TOP1: variants seen among roughly 807,000 people sequenced by gnomAD.
The protein encoded by TOP1 is DNA topoisomerase I, also known as DNA topoisomerase 1.
A neutral mutation model predicts 111.1 loss-of-function variants in TOP1; 10 were observed. That is an observed-to-expected ratio of 0.09 (90% CI 0.06 to 0.15). TOP1 has a LOEUF of 0.15. TOP1 is among the 10% of genes least tolerant of loss of function. The pLI is 1.00. For missense variants in TOP1, 474 were observed against 926.7 expected (o/e 0.51, Z 6.34); for synonymous variants, 271 against 302.9 (o/e 0.89, Z 1.10).
At chr20:41,096,035 A>G (rs2033976720) in intron 9 of TOP1, among the ~76,000 whole-genome samples, 1 of 152,206 alleles carries the variant, frequency 6.6e-6, no homozygotes, top group African/African-American at 2.4e-5. Flanking sequence ...ACCAGTTAGC[A>G]GCTTTCATTG....
chr20:41,029,148 C>T lies in TOP1; in HGVS notation c.33+48C>T, dbSNP rs2033081208. ...CGGCCCCGGACCCCGGCCTGGCCGT[C>T]CCGCGACCCCCGGCGCAGGCCCCGA... is the stretch of plus-strand genomic sequence containing the variant. On this transcript the variant is annotated intron_variant, in intron 1 of 20. Transcript: ENST00000361337. This position sits in a 1 kb window ranked among gnomAD's most constrained non-coding sequence, Gnocchi z 6.1. 1 of 1,386,842 alleles carries T rather than the reference C, an allele frequency of 7.2e-7. No individual in the cohort carries two copies. Among genetic ancestry groups the T allele is most frequent in the South Asian group, 1.5e-5 (1 of 67,340 alleles). 85.9% of individuals were successfully genotyped at this position (1,386,842 alleles called of 1,614,324 possible).
At chr20:41,063,429 G>T (rs537144784) in intron 3 of TOP1, among the ~76,000 whole-genome samples, 9 of 152,318 alleles carry the variant, frequency 5.9e-5, no homozygotes, top group African/African-American at 1.9e-4. Context: ...TTAGTAAAAT[G>T]ATTTGTTTTC....
In TOP1 at chr20:41,028,988, C is replaced by A; in HGVS notation, c.-80C>A. 1 of 1,292,304 alleles carries A rather than the reference C, an allele frequency of 7.7e-7. No individual in the cohort carries two copies. Among genetic ancestry groups the A allele is most frequent in the South Asian group, 1.3e-5 (1 of 78,546 alleles). 80.1% of individuals were successfully genotyped at this position (1,292,304 alleles called of 1,614,324 possible). On this transcript the variant is annotated 5_prime_UTR_variant, in exon 1 of 21. Transcript: ENST00000361337. ...CTCCTCGAGCCTCCGGAGTCCCCGT[C>A]CGCCCGCACAGGCCGGTTCGCCGTC... is the stretch of plus-strand genomic sequence containing the variant.
chr20:41,043,850 G>T (rs1347304785), intron 2 of TOP1, among the ~76,000 whole-genome samples: 1 of 152,234 alleles, frequency 6.6e-6, no homozygotes, highest in Non-Finnish European at 1.5e-5. Flanking sequence ...AATTGAGCTG[G>T]CCTGAGAAGA....
chr20:41,107,792 T>C (rs1482398250), intron 13 of TOP1, among the ~76,000 whole-genome samples: 2 of 152,236 alleles, frequency 1.3e-5, no homozygotes, highest in South Asian at 2.1e-4. Context: ...TTTTTGCTTA[T>C]GTACTGTTCT....
At chr20:41,052,099 CAG>C (rs1409073380) in intron 2 of TOP1, among the ~76,000 whole-genome samples, 1 of 152,070 alleles carries the variant, frequency 6.6e-6, no homozygotes, top group Non-Finnish European at 1.5e-5. Flanking sequence ...ACATGATGGA[CAG>C]AGATTTGAAG....
chr20:41,067,764 C>G lies in TOP1; in HGVS notation c.155+6274C>G, dbSNP rs1379370344. Among the ~76,000 whole-genome samples the G allele has an allele frequency of 6.6e-6, 1 of 152,214 alleles. No homozygotes were observed. The highest frequency in any genetic ancestry group is 1.9e-4 in the East Asian group (1 of 5,196). On this transcript the variant is annotated intron_variant, in intron 3 of 20. Transcript: ENST00000361337. The surrounding 1 kb of genome is among the most constrained non-coding windows in gnomAD (Gnocchi z 4.0). Reference sequence around the variant, plus strand: ...CCCAAGCCCAGGAGGCATTTACTGTCCTGTGCAGTAGCAATACTGCAGACT... The same window carrying G: ...CCCAAGCCCAGGAGGCATTTACTGTGCTGTGCAGTAGCAATACTGCAGACT...
intron 11 of TOP1, among the ~76,000 whole-genome samples, chr20:41,099,315 G>A (rs2034026419): frequency 6.6e-6 from 1 of 151,938 alleles, no homozygotes; most frequent in Non-Finnish European, 1.5e-5. Flanking sequence ...TTTACTTCAG[G>A]GGCATTTTGA....
chr20:41,097,562 G>A lies in TOP1; in HGVS notation c.852+221G>A, dbSNP rs1170625187. On this transcript the variant is annotated intron_variant, in intron 10 of 20. Transcript: ENST00000361337. The surrounding 1 kb of genome is among the most constrained non-coding windows in gnomAD (Gnocchi z 4.2). ...CTTTGCTATTGGCTCTCATGTGATGGCAGGTAGGTGGGGGTTATCAGATTA... is the reference window on the plus strand; with the variant it reads ...CTTTGCTATTGGCTCTCATGTGATGACAGGTAGGTGGGGGTTATCAGATTA... Among the ~76,000 whole-genome samples, 1 of 152,138 alleles carries A rather than the reference G, an allele frequency of 6.6e-6. No individual in the cohort carries two copies. The highest frequency in any genetic ancestry group is 1.5e-5 in the Non-Finnish European group (1 of 68,020).
At chr20:41,041,349 C>T (rs1029685963) in intron 2 of TOP1, among the ~76,000 whole-genome samples, 3 of 147,270 alleles carry the variant, frequency 2.0e-5, no homozygotes, top group Non-Finnish European at 4.4e-5. Context: ...ACTTGGGAGG[C>T]TGAGGAAGGA....
rs889891950 is a variant in TOP1 at position 41,102,349 on chromosome 20, C to G, written c.1308+996C>G. 1.3e-5 allele frequency among the ~76,000 whole-genome samples: 2 copies of G among 152,180 alleles called. No homozygotes were observed. The highest frequency in any genetic ancestry group is 4.8e-5 in the African/African-American group (2 of 41,422). On this transcript the variant is annotated intron_variant, in intron 13 of 20. Coordinates refer to ENST00000361337, the MANE Select transcript of TOP1 (RefSeq NM_003286.4). The surrounding 1 kb of genome is among the most constrained non-coding windows in gnomAD (Gnocchi z 4.0). ...TTCTGGCTGGGTGTGGTGGCTCAAG[C>G]CTGTAATCCCAGCACTTTGGGAGGC...
chr20:41,042,207 G>A (rs1329553344), intron 2 of TOP1, among the ~76,000 whole-genome samples: 1 of 152,130 alleles, frequency 6.6e-6, no homozygotes, highest in Non-Finnish European at 1.5e-5. Context: ...ACCGTGCCCA[G>A]CCAAGATTAC....
At chr20:41,056,436 T>C (rs1434010132) in intron 2 of TOP1, among the ~76,000 whole-genome samples, 1 of 152,208 alleles carries the variant, frequency 6.6e-6, no homozygotes, top group Non-Finnish European at 1.5e-5. Flanking sequence ...GAAGTTGCCA[T>C]GTAATACACT....
chr20:41,040,316 G>A (rs16989512), intron 2 of TOP1, among the ~76,000 whole-genome samples: 1 of 152,134 alleles, frequency 6.6e-6, no homozygotes, highest in Non-Finnish European at 1.5e-5. Flanking sequence ...TAGACTTACT[G>A]TGCCTTAATC....
rs1342784268 is a variant in TOP1, at chr20:41,080,744, A to G, written c.432-421A>G. Among the ~76,000 whole-genome samples the G allele has an allele frequency of 2.0e-5, 3 of 152,216 alleles. No homozygotes were observed. Among genetic ancestry groups the G allele is most frequent in the African/African-American group, 7.2e-5 (3 of 41,466 alleles). On this transcript the variant is annotated intron_variant, in intron 6 of 20. Coordinates refer to ENST00000361337, the MANE Select transcript of TOP1 (RefSeq NM_003286.4). The surrounding 1 kb of genome is among the most constrained non-coding windows in gnomAD (Gnocchi z 5.0). The stretch of plus-strand genomic sequence containing the variant: ...GGAAATACTTAGTGAACTCATTTGT[A>G]TTCATTCAATATAGAATTTCTTTCC...
intron 8 of TOP1, among the ~76,000 whole-genome samples, chr20:41,086,153 C>T (rs2033845205): frequency 6.6e-6 from 1 of 151,820 alleles, no homozygotes; most frequent in East Asian, 1.9e-4. Context: ...GTCCCAGCTA[C>T]TTGGGAAGTT....
rs993750862 is a variant in TOP1, at chr20:41,032,253, C to G, written c.58+2798C>G. Among the ~76,000 whole-genome samples, 7 of 152,128 alleles carry G rather than the reference C, an allele frequency of 4.6e-5. No homozygotes were observed. The highest frequency in any genetic ancestry group is 2.9e-5 in the Non-Finnish European group (2 of 68,028). On this transcript the variant is annotated intron_variant, in intron 2 of 20. Coordinates refer to ENST00000361337, the MANE Select transcript of TOP1 (RefSeq NM_003286.4). This position sits in a 1 kb window ranked among gnomAD's most constrained non-coding sequence, Gnocchi z 4.3. Reference sequence around the variant, plus strand: ...TATAAAAGATTCCCCCCCGTCCCCCCACTTTGGAGCTCATTCTTCGCAATA... The same window carrying G: ...TATAAAAGATTCCCCCCCGTCCCCCGACTTTGGAGCTCATTCTTCGCAATA...
In TOP1 at chr20:41,120,966, C is replaced by A. The variant is rs527735408; in HGVS notation, c.1951-730C>A. The stretch of plus-strand genomic sequence containing the variant: ...CCGTGTTAGCCAGGATGGTCTTGAT[C>A]TCCTGACCTTGTGATCCGCCCTCCT... On this transcript the variant is annotated intron_variant, in intron 18 of 20. Coordinates refer to ENST00000361337, the MANE Select transcript of TOP1 (RefSeq NM_003286.4). 4.6e-5 allele frequency among the ~76,000 whole-genome samples: 7 copies of A among 152,334 alleles called. No individual in the cohort carries two copies. The East Asian group carries it at 1.4e-3, about 29-fold the overall frequency.
At position 41,113,989 on chromosome 20, in the gene TOP1, A is replaced by G. The variant is rs1281469176; in HGVS notation, c.1472A>G (p.Asn491Ser). 3.7e-6 allele frequency: 6 copies of G among 1,613,644 alleles called. No homozygotes were observed. Among genetic ancestry groups the G allele is most frequent in the Non-Finnish European group, 5.1e-6 (6 of 1,179,770 alleles). Reference protein sequence around the residue: ...FIDKLALRAGNEKEEGETADT... With the variant: ...FIDKLALRAGSEKEEGETADT... Reference sequence around the variant, plus strand: ...GGGCAGCTTGCTCTGAGAGCAGGCAATGAAAAGGAGGAAGGAGAAACAGCG... The same window carrying G: ...GGGCAGCTTGCTCTGAGAGCAGGCAGTGAAAAGGAGGAAGGAGAAACAGCG... Residue 491 changes from asparagine (N) to serine (S), a missense_variant, in exon 15 of 21, where the codon AAT becomes AGT. This residue lies in a region of TOP1 where 8 missense variants were observed against 61.9 expected (regional missense o/e 0.13). Transcript: ENST00000361337.
Sources: gnomAD v4.1 joint callset for allele counts (sites outside exome capture counted in the v4.1 genomes callset) on GRCh38, gnomAD v4.1.1 for gene constraint, gnomAD v4.1.1 regional missense constraint, Gnocchi (gnomAD v3.1) non-coding constraint, MANE v1.5 for transcripts, NCBI Gene and HGNC (gene_info 2026-07-23, HGNC 2026-07-21) for gene names.